ITFG1: variants seen among roughly 807,000 people sequenced by gnomAD.
ITFG1 encodes T-cell immunomodulatory protein.
Under a neutral mutation model 81.8 loss-of-function variants are expected in ITFG1, and 34 were observed. The observed-to-expected ratio is 0.42, with a 90% confidence interval of 0.32 to 0.55. ITFG1 has a LOEUF of 0.55. ITFG1 is among the 20% of genes least tolerant of loss of function. The pLI is 0.17. For missense variants in ITFG1, 672 were observed against 755.4 expected (o/e 0.89, Z 1.29); for synonymous variants, 285 against 270.6 (o/e 1.05, Z -0.52).
chr16:47,375,693 T>C (rs1567478887), intron 7 of ITFG1, among the ~76,000 whole-genome samples, 183 bp downstream of exon 7: 1 of 152,274 alleles, frequency 6.6e-6, no homozygotes, highest in Non-Finnish European at 1.5e-5. Flanking sequence ...TAACTGATGC[T>C]GAATGAATCA....
chr16:47,454,216 T>A, intron 2 of ITFG1, 58 bp from the exon 3 acceptor site: 5 of 1,345,800 alleles, frequency 3.7e-6, no homozygotes. Context: ...AGGACAATTC[T>A]GTATTTCTAC....
intron 5 of ITFG1, among the ~76,000 whole-genome samples, chr16:47,438,963 G>A (rs1382253571): frequency 6.6e-6 from 1 of 152,126 alleles, no homozygotes; most frequent in Non-Finnish European, 1.5e-5. Context: ...TGGATAACTA[G>A]AATAAACAAT....
chr16:47,247,381 T>G (rs1180669486), intron 12 of ITFG1, among the ~76,000 whole-genome samples: 1 of 152,212 alleles, frequency 6.6e-6, no homozygotes, highest in South Asian at 2.1e-4. Context: ...GTAAGTTTTA[T>G]ATGTATGTTA....
At chr16:47,274,775 G>C (rs984629820) in intron 10 of ITFG1, among the ~76,000 whole-genome samples, 1 of 152,160 alleles carries the variant, frequency 6.6e-6, no homozygotes, top group African/African-American at 2.4e-5. Context: ...CTAACAAGCT[G>C]TTGAAGACGT....
Position 47,429,142 on chromosome 16 carries a change from C to T in ITFG1, c.561-244G>A, listed in dbSNP as rs189419200. 1.7e-3 allele frequency among the ~76,000 whole-genome samples: 262 copies of T among 152,250 alleles called. 2 individuals carry two copies. Among genetic ancestry groups the T allele is most frequent in the Non-Finnish European group, 2.7e-3 (183 of 68,004 alleles). On this transcript the variant is annotated intron_variant, in intron 5 of 17. Coordinates refer to ENST00000320640, the MANE Select transcript of ITFG1 (RefSeq NM_030790.5). ...AAAAGAAATTGTGTACTCTATTTCC[C>T]CTTATTGGCAACCACAAATCTGCAT...
chr16:47,198,161 C>G lies in ITFG1; in HGVS notation c.1453+20707G>C, dbSNP rs8045907. On this transcript the variant is annotated intron_variant, in intron 14 of 17. Transcript: ENST00000320640. ...ACAAAACTGTCTAATCTTTTCTATA[C>G]GTTTACTTGAAACAATTATAGGATG... 3.9e-5 allele frequency among the ~76,000 whole-genome samples: 6 copies of G among 152,320 alleles called. No individual in the cohort carries two copies. The South Asian group carries it at 1.0e-3, about 26-fold the overall frequency.
intron 8 of ITFG1, among the ~76,000 whole-genome samples, chr16:47,350,328 A>T (rs1479637800): frequency 6.6e-6 from 1 of 152,152 alleles, no homozygotes; most frequent in African/African-American, 2.4e-5. Flanking sequence ...AAGACTAATA[A>T]AGAAGAAAAG....
chr16:47,451,054 T>C (rs549485419), intron 5 of ITFG1, among the ~76,000 whole-genome samples: 2 of 152,280 alleles, frequency 1.3e-5, no homozygotes, highest in African/African-American at 2.4e-5. Flanking sequence ...GCAGCTAACA[T>C]GACTAAGGTA....
chr16:47,418,264 A>ATTG (rs1968898253), intron 6 of ITFG1, among the ~76,000 whole-genome samples: 1 of 152,120 alleles, frequency 6.6e-6, no homozygotes. Context: ...TTCATTGTAT[A>ATTG]TTATGGATAT....
intron 10 of ITFG1, chr16:47,263,431 G>C: frequency 7.1e-6 from 3 of 419,998 alleles, no homozygotes; most frequent in South Asian, 6.1e-5. Context: ...ATGTGCAGGA[G>C]GATGGCTGGA....
intron 2 of ITFG1, among the ~76,000 whole-genome samples, chr16:47,455,550 C>G (rs1453235511): frequency 6.6e-6 from 1 of 151,784 alleles, no homozygotes; most frequent in Non-Finnish European, 1.5e-5. Context: ...GGGTGGATCA[C>G]TTGAGGTCAG....
chr16:47,210,964 A>T (rs1384082098), intron 14 of ITFG1, among the ~76,000 whole-genome samples: 1 of 152,158 alleles, frequency 6.6e-6, no homozygotes, highest in East Asian at 1.9e-4. Context: ...TTTTGCCATT[A>T]AAAAATGACA....
At chr16:47,245,560 A>G (rs757612231) in intron 12 of ITFG1, among the ~76,000 whole-genome samples, 1 of 152,072 alleles carries the variant, frequency 6.6e-6, no homozygotes, top group Non-Finnish European at 1.5e-5. Flanking sequence ...AGCTTTATGG[A>G]CCTGGTACAT....
chr16:47,201,214 T>G (rs1207340634), intron 14 of ITFG1, among the ~76,000 whole-genome samples: 1 of 151,538 alleles, frequency 6.6e-6, no homozygotes, highest in African/African-American at 2.4e-5. Flanking sequence ...AGAATTTTTT[T>G]TTTTTTTTTT....
At chr16:47,273,091 T>A (rs181630413) in intron 10 of ITFG1, among the ~76,000 whole-genome samples, 29 of 151,916 alleles carry the variant, frequency 1.9e-4, no homozygotes, top group Admixed American at 1.7e-3. Flanking sequence ...TAAAGTCTGA[T>A]TTTTCTCCTT....
intron 8 of ITFG1, among the ~76,000 whole-genome samples, chr16:47,361,119 A>G (rs1286613067): frequency 6.6e-6 from 1 of 152,126 alleles, no homozygotes; most frequent in African/African-American, 2.4e-5. Flanking sequence ...TTTAGATCTG[A>G]CTGAAAATTC....
chr16:47,229,356 G>A (rs560567932), intron 13 of ITFG1, among the ~76,000 whole-genome samples: 6 of 152,274 alleles, frequency 3.9e-5, no homozygotes, highest in Non-Finnish European at 8.8e-5. Flanking sequence ...ACAGAGGCAG[G>A]TGCAGGAACA....
At chr16:47,331,166 C>T (rs1967632110) in intron 8 of ITFG1, among the ~76,000 whole-genome samples, 1 of 152,102 alleles carries the variant, frequency 6.6e-6, no homozygotes, top group Non-Finnish European at 1.5e-5. Context: ...TCCTCTGCAG[C>T]AGCGTAAATG....
intron 8 of ITFG1, among the ~76,000 whole-genome samples, chr16:47,356,403 T>C (rs1226282179): frequency 6.6e-6 from 1 of 152,144 alleles, no homozygotes; most frequent in African/African-American, 2.4e-5. Context: ...ATTCAACATA[T>C]ATTAGTTACA....
Sources: allele counts gnomAD v4.1 joint callset (sites outside exome capture counted in the v4.1 genomes callset), GRCh38; gene constraint gnomAD v4.1.1; transcripts MANE v1.5; gene names NCBI Gene and HGNC (gene_info 2026-07-23, HGNC 2026-07-21).